Variants in TTC39B observed in about 807,000 individuals in gnomAD.
TTC39B encodes the protein tetratricopeptide repeat domain 39B, also known as tetratricopeptide repeat protein 39B.
TTC39B carries 92 observed loss-of-function variants against 96.6 expected under a neutral mutation model. The observed-to-expected ratio is 0.95, with a 90% CI of 0.80 to 1.13. The LOEUF (loss-of-function observed/expected upper bound fraction) is 1.13, where lower values mean the gene tolerates loss of function less well. Among genes scored for constraint, TTC39B ranks in the 50% most tolerant of loss-of-function variants. The pLI, the probability that TTC39B is intolerant of heterozygous loss-of-function variation, is 0.00. For synonymous variants in TTC39B, 367 were observed against 299.4 expected (o/e 1.23, Z -2.33); for missense variants, 955 against 809.3 (o/e 1.18, Z -2.18).
chr9:15,174,890 A>C, intron 19 of TTC39B, 129 bp downstream of exon 19: 2 of 696,850 alleles, frequency 2.9e-6, no homozygotes, highest in Non-Finnish European at 5.1e-6. Context: ...ACCAGAAGTT[A>C]GCAAAAGTAG....
At chr9:15,296,217 T>C (rs1338480247) in intron 1 of TTC39B, among the ~76,000 whole-genome samples, 1 of 152,204 alleles carries the variant, frequency 6.6e-6, no homozygotes, top group Non-Finnish European at 1.5e-5. Context: ...TGGTTTTCTA[T>C]CTCAGAACTT....
At chr9:15,293,562 A>C (rs571888) in intron 1 of TTC39B, among the ~76,000 whole-genome samples, 2 of 150,992 alleles carry the variant, frequency 1.3e-5, no homozygotes, top group Admixed American at 6.6e-5. Context: ...CCTAGGACCT[A>C]CTGAGCAAGA....
At chr9:15,181,298 TG>T (rs1818236485) in intron 17 of TTC39B, among the ~76,000 whole-genome samples, 1 of 152,180 alleles carries the variant, frequency 6.6e-6, no homozygotes, top group African/African-American at 2.4e-5. Flanking sequence ...TTTACTTATG[TG>T]GTTAGAATAT....
intron 8 of TTC39B, among the ~76,000 whole-genome samples, chr9:15,194,049 A>C (rs1326825338): frequency 6.6e-6 from 1 of 152,172 alleles, no homozygotes; most frequent in African/African-American, 2.4e-5. Flanking sequence ...AAATATGAAT[A>C]CTGTATCCAT....
chr9:15,200,001 T>A, intron 7 of TTC39B, 76 bp from the exon 8 acceptor site: 1 of 781,178 alleles, frequency 1.3e-6, no homozygotes, highest in Non-Finnish European at 2.0e-6. Flanking sequence ...TGTGTTTGTG[T>A]GATTAGAAAA....
intron 2 of TTC39B, among the ~76,000 whole-genome samples, chr9:15,251,001 G>T (rs969072765): frequency 4.6e-5 from 7 of 151,812 alleles, no homozygotes; most frequent in South Asian, 2.1e-4. Flanking sequence ...TTCCACACCA[G>T]CCTGGCCAAT....
chr9:15,257,537 T>C (rs895003040), intron 2 of TTC39B, among the ~76,000 whole-genome samples: 1 of 152,034 alleles, frequency 6.6e-6, no homozygotes, highest in Non-Finnish European at 1.5e-5. Context: ...CAGCCTCGAC[T>C]TCTGCGGCTC....
intron 17 of TTC39B, 29 bp from the exon 18 acceptor site, chr9:15,177,843 A>C: frequency 1.8e-4 from 198 of 1,098,398 alleles, no homozygotes; most frequent in Non-Finnish European, 2.4e-4. Flanking sequence ...CAAAGAAAAC[A>C]CACAAAGAAA....
chr9:15,168,004 A>T (rs906057934), exon 20 of TTC39B: 1 of 152,242 alleles, frequency 6.6e-6, no homozygotes. Flanking sequence ...AGGGCACTTT[A>T]AATAGAAAAA....
At chr9:15,222,828 T>G (rs1820921453) in intron 3 of TTC39B, among the ~76,000 whole-genome samples, 1 of 152,224 alleles carries the variant, frequency 6.6e-6, no homozygotes, top group African/African-American at 2.4e-5. Context: ...AGACACACTT[T>G]CTCTTAGAGA....
chr9:15,172,878 A>T (rs537491331), intron 19 of TTC39B, among the ~76,000 whole-genome samples: 1 of 152,252 alleles, frequency 6.6e-6, no homozygotes, highest in East Asian at 1.9e-4. Context: ...GGGTTAGTAA[A>T]ATGTATTATT....
At chr9:15,269,508 G>A (rs764676536) in intron 1 of TTC39B, among the ~76,000 whole-genome samples, 6 of 152,190 alleles carry the variant, frequency 3.9e-5, no homozygotes, top group Non-Finnish European at 8.8e-5. Context: ...ACAAGGTTTA[G>A]ACCATACTGG....
At chr9:15,262,601 A>G (rs1207090325) in intron 2 of TTC39B, among the ~76,000 whole-genome samples, 2 of 152,148 alleles carry the variant, frequency 1.3e-5, no homozygotes, top group Non-Finnish European at 2.9e-5. Context: ...AATAGTTAAA[A>G]TAACACAATC....
chr9:15,188,609 AT>A (rs1337181305), intron 13 of TTC39B, among the ~76,000 whole-genome samples: 32 of 152,260 alleles, frequency 2.1e-4, no homozygotes, highest in African/African-American at 7.2e-4. Flanking sequence ...TCAGAAAAAA[AT>A]ATATAGATGA....
chr9:15,236,728 G>A (rs980284689), intron 2 of TTC39B, among the ~76,000 whole-genome samples: 3 of 152,088 alleles, frequency 2.0e-5, no homozygotes, highest in Non-Finnish European at 2.9e-5. Context: ...CAACTCTTGG[G>A]TAAACAATGA....
At chr9:15,215,336 T>TC (rs1248822917) in intron 3 of TTC39B, among the ~76,000 whole-genome samples, 2 of 151,836 alleles carry the variant, frequency 1.3e-5, no homozygotes, top group Admixed American at 6.6e-5. Context: ...GGCAGGTGAA[T>TC]CACTTGAGGT....
chr9:15,210,193 G>T (rs1331092462), intron 5 of TTC39B, 29 bp from the exon 6 acceptor site: 2 of 1,415,728 alleles, frequency 1.4e-6, no homozygotes, highest in Admixed American at 4.4e-5. Flanking sequence ...AAGGGAGATA[G>T]AAAATAGAAA....
intron 3 of TTC39B, among the ~76,000 whole-genome samples, chr9:15,223,993 C>T (rs1421221016): frequency 6.6e-6 from 1 of 152,124 alleles, no homozygotes; most frequent in Non-Finnish European, 1.5e-5. Flanking sequence ...TCTTTGACTC[C>T]TTCCCGACTC....
chr9:15,281,878 A>G (rs1823778201), intron 1 of TTC39B, among the ~76,000 whole-genome samples: 1 of 151,998 alleles, frequency 6.6e-6, no homozygotes, highest in African/African-American at 2.4e-5. Context: ...GGGTTTCACT[A>G]TGTTGGTCAG....
Sources: allele counts gnomAD v4.1 joint callset (sites outside exome capture counted in the v4.1 genomes callset), GRCh38; gene constraint gnomAD v4.1.1; transcripts MANE v1.5; gene names NCBI Gene and HGNC (gene_info 2026-07-23, HGNC 2026-07-21).